CCDC18: variants seen among roughly 807,000 people sequenced by gnomAD.
The protein encoded by CCDC18 is coiled-coil domain containing 18.
A neutral mutation model predicts 196.0 loss-of-function variants in CCDC18; 157 were observed. That is an observed-to-expected ratio of 0.80 (90% confidence interval 0.70 to 0.91). CCDC18 has a LOEUF of 0.91. CCDC18 is among the 40% of genes least tolerant of loss of function. The pLI, the probability that CCDC18 is intolerant of heterozygous loss-of-function variation, is 0.00. For synonymous variants in CCDC18, 482 were observed against 529.2 expected, an observed-to-expected ratio of 0.91 and a Z score of 1.22; for missense variants, 1,465 against 1,611.6, an observed-to-expected ratio of 0.91 and a Z score of 1.56.
chr1:93,270,783 C>A lies in CCDC18; in HGVS notation c.4322C>A (p.Ser1441Tyr), dbSNP rs574926699. 3.2e-6 allele frequency: 5 copies of A among 1,543,474 alleles called. No individual in the cohort carries two copies. The highest frequency in any genetic ancestry group is 2.8e-5 in the African/African-American group (2 of 72,558). Residue 1441 changes from serine to tyrosine, a missense_variant, in exon 28 of 29, where the codon TCT becomes TAT. By Grantham distance (144) the Ser-to-Tyr change is moderately radical. Transcript: ENST00000690025. ...AAAGAAGTAAGACTATTAAAAAAGT[C>A]TTCTATGCAAACAGGTGCTGGTTTA... ...INKEVRLLKK[S>Y]SMQTGAGLNQ...
At chr1:93,248,009 C>CTTTTTTT (rs71586785) in intron 23 of CCDC18, among the ~76,000 whole-genome samples, 41 of 69,794 alleles carry the variant, frequency 5.9e-4, no homozygotes, top group East Asian at 7.9e-4. Context: ...TATTTTCCTT[C>CTTTTTTT]TTTTTTTTTT....
intron 21 of CCDC18, among the ~76,000 whole-genome samples, chr1:93,244,983 CTCA>C (rs1279639557): frequency 6.6e-6 from 1 of 152,152 alleles, no homozygotes; most frequent in Non-Finnish European, 1.5e-5. Context: ...CAGTCACTAC[CTCA>C]TCATGCAGTT....
At chr1:93,223,842 A>AG (rs1657832283) in intron 16 of CCDC18, among the ~76,000 whole-genome samples, 1 of 151,540 alleles carries the variant, frequency 6.6e-6, no homozygotes, top group African/African-American at 2.4e-5. Flanking sequence ...TGTGCACCTG[A>AG]GGAGCTTCTT....
At chr1:93,208,324 C>G (rs11164884) in intron 9 of CCDC18, among the ~76,000 whole-genome samples, 2 of 138,520 alleles carry the variant, frequency 1.4e-5, no homozygotes. Context: ...TGTGGTTTTT[C>G]TTTTTTTTTG....
At position 93,184,123 on chromosome 1, in the gene CCDC18, T is replaced by C; in HGVS notation, c.280T>C (p.Phe94Leu). The C allele has an allele frequency of 6.6e-7, 1 of 1,522,336 alleles. No individual in the cohort carries two copies. The highest frequency in any genetic ancestry group is 1.4e-5 in the South Asian group (1 of 73,318). The allele number at this position is 1,522,336 out of a possible 1,614,324, so 94.3% of individuals were successfully genotyped here. Residue 94 changes from phenylalanine (F) to leucine (L), a missense_variant, in exon 3 of 29, where the codon TTT (phenylalanine) becomes CTT (leucine). Physicochemically the swap from Phe to Leu is conservative, Grantham distance 22. Transcript: ENST00000690025. Reference sequence around the variant, plus strand: ...TAAAATATCTGGTAGCAGCACTGATTTTCAAAAAAAGCCAAGAGATAAGGT... The same window carrying C: ...TAAAATATCTGGTAGCAGCACTGATCTTCAAAAAAAGCCAAGAGATAAGGT... Reference protein sequence around the residue: ...VCKISGSSTDFQKKPRDKMFS... With the variant: ...VCKISGSSTDLQKKPRDKMFS...
Position 93,183,990 on chromosome 1 carries a change from T to C in CCDC18, c.147T>C (p.Ser49=), listed in dbSNP as rs1237013593. Residue 49 remains serine (S), a synonymous_variant, in exon 3 of 29, where the codon AGT becomes AGC. Transcript: ENST00000690025. ...CTTTTTTCTCTAGTGTTAGTCCAAG[T>C]GAAAATTCTGATTATGCCCCTAATC... ...LGEELSSVSP[S]ENSDYAPNPS... is the part of the protein sequence containing the mutation. 1.3e-6 allele frequency: 2 copies of C among 1,535,194 alleles called. No individual in the cohort carries two copies. Among genetic ancestry groups the C allele is most frequent in the Non-Finnish European group, 1.8e-6 (2 of 1,134,822 alleles).
At chr1:93,269,895 C>A (rs974914991) in intron 27 of CCDC18, 5 of 152,304 alleles carry the variant, frequency 3.3e-5, no homozygotes, top group African/African-American at 1.2e-4. Flanking sequence ...TGCACTAAAG[C>A]TTTCTTGTAA....
At chr1:93,276,321 G>C (rs112019690) in intron 28 of CCDC18, among the ~76,000 whole-genome samples, 4 of 152,088 alleles carry the variant, frequency 2.6e-5, no homozygotes, top group African/African-American at 9.7e-5. Context: ...AAAAGCTTCA[G>C]AACTCAAAAA....
intron 6 of CCDC18, among the ~76,000 whole-genome samples, chr1:93,195,656 TC>T (rs1356226443): frequency 6.6e-6 from 1 of 152,144 alleles, no homozygotes; most frequent in Non-Finnish European, 1.5e-5. Flanking sequence ...GGGAGTTTGT[TC>T]CTTTTTTCCT....
intron 10 of CCDC18, 70 bp downstream of exon 10, chr1:93,210,996 G>C: frequency 6.7e-7 from 1 of 1,497,734 alleles, no homozygotes; most frequent in Non-Finnish European, 9.2e-7. Context: ...CCCTTAATTG[G>C]CCGGGCATGG....
At chr1:93,220,224 G>A (rs6679304) in intron 14 of CCDC18, among the ~76,000 whole-genome samples, 13,576 of 152,090 alleles carry the variant, frequency 0.089, 1,989 homozygotes, top group African/African-American at 0.31. Flanking sequence ...TAAGAAGATG[G>A]AACAACATTT....
intron 7 of CCDC18, among the ~76,000 whole-genome samples, chr1:93,203,564 A>T (rs540677457): frequency 3.6e-4 from 55 of 152,282 alleles, no homozygotes; most frequent in African/African-American, 1.1e-3. Flanking sequence ...GAAGTGATTT[A>T]AAAAAATTAG....
rs555062522 is a variant in CCDC18, at chr1:93,207,114, A to T, written c.925A>T (p.Lys309Ter). 7.5e-6 allele frequency: 11 copies of T among 1,473,962 alleles called. No homozygotes were observed. In the Admixed American group the frequency reaches 2.3e-4, roughly 31 times the overall value. The allele number at this position is 1,473,962 out of a possible 1,614,324, so 91.3% of individuals were successfully genotyped here. ...EILKEKLRQL[K>*]EENNNGKEKL... ...ATTCTCTTTTCTTCATAGGCAGTTAAAAGAAGAAAATAACAACGGAAAAGA... is the reference window on the plus strand; with the variant it reads ...ATTCTCTTTTCTTCATAGGCAGTTATAAGAAGAAAATAACAACGGAAAAGA... Residue 309 changes from lysine (K) to a stop codon, truncating the protein, a stop_gained, in exon 9 of 29, where the codon AAA becomes TAA. Transcript: ENST00000690025. LOFTEE classifies it high-confidence loss of function.
In CCDC18 at chr1:93,239,424, T is replaced by C; in HGVS notation, c.2718T>C (p.Asp906=). 1.2e-6 allele frequency: 2 copies of C among 1,613,142 alleles called. No homozygotes were observed. Among genetic ancestry groups the C allele is most frequent in the Non-Finnish European group, 1.7e-6 (2 of 1,179,556 alleles). ...AAGCAATGCACCTCTCTCAATTAGATATGATCTTAGATCAGACAAAGACAG... is the reference window on the plus strand; with the variant it reads ...AAGCAATGCACCTCTCTCAATTAGACATGATCTTAGATCAGACAAAGACAG... ...ENKAMHLSQL[D]MILDQTKTEL... The change falls in exon 20 of 29, where the codon GAT becomes GAC. Residue 906 remains aspartate, a synonymous_variant. Transcript: ENST00000690025.
intron 26 of CCDC18, among the ~76,000 whole-genome samples, chr1:93,261,723 A>T (rs1663821761): frequency 6.6e-6 from 1 of 151,874 alleles, no homozygotes; most frequent in African/African-American, 2.4e-5. Context: ...TTCCCAACCC[A>T]TCCCCCATAT....
chr1:93,208,680 T>C (rs1655118588), intron 9 of CCDC18, among the ~76,000 whole-genome samples: 1 of 151,994 alleles, frequency 6.6e-6, no homozygotes, highest in Non-Finnish European at 1.5e-5. Context: ...TTTTTTTTCT[T>C]TTTTTGAGAT....
chr1:93,264,420 T>A (rs1451137882), intron 26 of CCDC18, among the ~76,000 whole-genome samples: 1 of 152,140 alleles, frequency 6.6e-6, no homozygotes, highest in Admixed American at 6.5e-5. Flanking sequence ...ATTTCCCCAA[T>A]TGTCTCAAAA....
chr1:93,209,612 A>G (rs1356751719), intron 9 of CCDC18, among the ~76,000 whole-genome samples: 2 of 152,366 alleles, frequency 1.3e-5, no homozygotes, highest in Middle Eastern at 3.4e-3. Context: ...AGTAGAATTT[A>G]AACTAGAACA....
intron 5 of CCDC18, among the ~76,000 whole-genome samples, chr1:93,193,290 G>A (rs1447728549): frequency 6.6e-6 from 1 of 152,108 alleles, no homozygotes; most frequent in African/African-American, 2.4e-5. Flanking sequence ...GGGTAGAACT[G>A]TCAGAAAAGT....
Sources: allele counts gnomAD v4.1 joint callset (sites outside exome capture counted in the v4.1 genomes callset), GRCh38; gene constraint gnomAD v4.1.1; transcripts MANE v1.5; gene names NCBI Gene and HGNC (gene_info 2026-07-23, HGNC 2026-07-21).